Variants in DCPS observed in about 807,000 individuals in gnomAD.
DCPS encodes the protein decapping enzyme, scavenger.
In DCPS, 27 loss-of-function variants were observed where a neutral mutation model predicts 34.7. The observed-to-expected ratio is 0.78, with a 90% confidence interval of 0.57 to 1.07. The LOEUF is 1.07. Among genes scored for constraint, DCPS ranks in the 50% least tolerant of loss-of-function variants. DCPS has a pLI of 0.00. For missense variants in DCPS, 464 were observed against 436.9 expected, an observed-to-expected ratio of 1.06 and a Z score of -0.55; for synonymous variants, 185 against 185.7, an observed-to-expected ratio of 1.00 and a Z score of 0.03.
At chr11:126,343,067 CAAA>C (rs34804017) in intron 4 of DCPS, among the ~76,000 whole-genome samples, 134 of 102,218 alleles carry the variant, frequency 1.3e-3, no homozygotes, top group Admixed American at 2.2e-3. Flanking sequence ...GAGACTCTGT[CAAA>C]AAAAAAAAAA....
chr11:126,331,336 C>A lies in DCPS; in HGVS notation c.377-69C>A. On this transcript the variant is annotated intron_variant, in intron 2 of 5. Coordinates refer to ENST00000263579, the MANE Select transcript of DCPS (RefSeq NM_014026.6). The surrounding 1 kb of genome is among the most constrained non-coding windows in gnomAD (Gnocchi z 7.2). ...AAAGCCAGGGTGGGAGTTCTCTCCT[C>A]ACCGTGGTGCCTGTGGCATAGAGAG... The A allele has an allele frequency of 6.3e-7, 1 of 1,578,870 alleles. No homozygotes were observed. The highest frequency in any genetic ancestry group is 1.2e-5 in the South Asian group (1 of 86,242).
intron 2 of DCPS, among the ~76,000 whole-genome samples, chr11:126,307,025 A>G (rs1160867196): frequency 6.6e-6 from 1 of 152,068 alleles, no homozygotes. Flanking sequence ...AGTAATGTCA[A>G]TAGTGCTGAA....
rs1951754879 is a variant in DCPS at position 126,328,191 on chromosome 11, C to A, written c.377-3214C>A. ...GGCCCTAAGCGGGAGAGAGGCAGTG[C>A]ATGAAGGTGGAAAGAGGGCCAGGGC... On this transcript the variant is annotated intron_variant, in intron 2 of 5. Transcript: ENST00000263579. The surrounding 1 kb of genome is among the most constrained non-coding windows in gnomAD (Gnocchi z 6.6). 6.6e-6 allele frequency among the ~76,000 whole-genome samples: 1 copy of A among 152,140 alleles called. No homozygotes were observed. Among genetic ancestry groups the A allele is most frequent in the Non-Finnish European group, 1.5e-5 (1 of 68,022 alleles).
chr11:126,343,232 G>C, intron 4 of DCPS, 75 bp from the exon 5 acceptor site: 1 of 1,276,008 alleles, frequency 7.8e-7, no homozygotes, highest in South Asian at 1.3e-5. Flanking sequence ...CCTGGCTTAC[G>C]TGAGAACTCC....
rs563021145 is a variant in DCPS, at chr11:126,331,708, C to T, written c.522+158C>T. Among the ~76,000 whole-genome samples, 1 of 152,196 alleles carries T rather than the reference C, an allele frequency of 6.6e-6. No homozygotes were observed. Among genetic ancestry groups the T allele is most frequent in the Admixed American group, 6.5e-5 (1 of 15,280 alleles). Reference sequence around the variant, plus strand: ...TGGCGGACAGAATCCCCACCTCGTGCAGCTTACATCCCATGCACAGTCACA... The same window carrying T: ...TGGCGGACAGAATCCCCACCTCGTGTAGCTTACATCCCATGCACAGTCACA... On this transcript the variant is annotated intron_variant, in intron 3 of 5. Transcript: ENST00000263579. The surrounding 1 kb of genome is among the most constrained non-coding windows in gnomAD (Gnocchi z 7.2).
Position 126,334,794 on chromosome 11 carries a change from G to A in DCPS, c.522+3244G>A, listed in dbSNP as rs148639563. ...AACTTCCCAGTAAAAACTGCAGTGG[G>A]ATGTCTGGATCTGGAGCCTTTGAGA... On this transcript the variant is annotated intron_variant, in intron 3 of 5. Transcript: ENST00000263579. The surrounding 1 kb of genome is among the most constrained non-coding windows in gnomAD (Gnocchi z 5.5). Among the ~76,000 whole-genome samples, 1 of 152,310 alleles carries A rather than the reference G, an allele frequency of 6.6e-6. No individual in the cohort carries two copies. The highest frequency in any genetic ancestry group is 1.9e-4 in the East Asian group (1 of 5,186).
rs1288198971 is a variant in DCPS at position 126,325,113 on chromosome 11, G to A, written c.377-6292G>A. On this transcript the variant is annotated intron_variant, in intron 2 of 5. Coordinates refer to ENST00000263579, the MANE Select transcript of DCPS (RefSeq NM_014026.6). This position sits in a 1 kb window ranked among gnomAD's most constrained non-coding sequence, Gnocchi z 4.3. The stretch of plus-strand genomic sequence containing the variant: ...GAGGCACGAGAATCGCTTGAACCCA[G>A]GAGGTGGAGGTTGCAGTGAGCCAAG... Among the ~76,000 whole-genome samples, 2 of 152,290 alleles carry A rather than the reference G, an allele frequency of 1.3e-5. No individual in the cohort carries two copies. The highest frequency in any genetic ancestry group is 4.1e-4 in the South Asian group (2 of 4,822).
intron 1 of DCPS, 82 bp downstream of exon 1, chr11:126,304,363 T>A: frequency 6.6e-7 from 1 of 1,508,656 alleles, no homozygotes; most frequent in South Asian, 1.2e-5. Context: ...TTTTTTCGGA[T>A]CTCGGCTGGA....
intron 2 of DCPS, among the ~76,000 whole-genome samples, chr11:126,321,963 T>G (rs1294468338): frequency 6.6e-6 from 1 of 151,950 alleles, no homozygotes; most frequent in Non-Finnish European, 1.5e-5. Context: ...GATAAGAAAG[T>G]CAGACGCTGA....
rs1391716288 is a variant in DCPS at position 126,323,549 on chromosome 11, T to C, written c.377-7856T>C. ...TTGCATTTCTTTCTTTTCTTTTTTT[T>C]TTTTGAGACAGGGTCTTGCTCAGTC... is the stretch of plus-strand genomic sequence containing the variant. On this transcript the variant is annotated intron_variant, in intron 2 of 5. Transcript: ENST00000263579. The surrounding 1 kb of genome is among the most constrained non-coding windows in gnomAD (Gnocchi z 4.4). Among the ~76,000 whole-genome samples the C allele has an allele frequency of 1.3e-5, 2 of 152,062 alleles. No individual in the cohort carries two copies. Among genetic ancestry groups the C allele is most frequent in the African/African-American group, 4.8e-5 (2 of 41,420 alleles).
rs532770911 is a variant in DCPS, at chr11:126,347,899, C to T, written c.*2286C>T. The stretch of plus-strand genomic sequence containing the variant: ...TCCATCTCCAGCACCACAACTGCCA[C>T]GGAGCAGAGGGAGGCCTCCCTGTGG... On this transcript the variant is annotated 3_prime_UTR_variant, in exon 6 of 6. Transcript: ENST00000263579. This position sits in a 1 kb window ranked among gnomAD's most constrained non-coding sequence, Gnocchi z 4.2. Among the ~76,000 whole-genome samples the T allele has an allele frequency of 2.8e-4, 43 of 152,268 alleles. No homozygotes were observed. The South Asian group carries it at 3.7e-3, about 13-fold the overall frequency.
rs549720056 is a variant in DCPS at position 126,334,144 on chromosome 11, C to T, written c.522+2594C>T. Among the ~76,000 whole-genome samples the T allele has an allele frequency of 1.2e-4, 18 of 151,922 alleles. No homozygotes were observed. The highest frequency in any genetic ancestry group is 3.4e-3 in the Middle Eastern group (1 of 294). ...TGGATGGGGCTTAGCAACTGATTGA[C>T]GTGCAGAGGGGAGGGAAGAGGTTGG... is the stretch of plus-strand genomic sequence containing the variant. On this transcript the variant is annotated intron_variant, in intron 3 of 5. Coordinates refer to ENST00000263579, the MANE Select transcript of DCPS (RefSeq NM_014026.6). This position sits in a 1 kb window ranked among gnomAD's most constrained non-coding sequence, Gnocchi z 5.5.
intron 2 of DCPS, among the ~76,000 whole-genome samples, chr11:126,317,400 C>CT (rs11292533): frequency 0.18 from 26,114 of 147,546 alleles, 2,546 homozygotes; most frequent in Non-Finnish European, 0.24. Context: ...GCATTTTGCT[C>CT]TTTTTTTTTT....
chr11:126,327,994 G>A lies in DCPS; in HGVS notation c.377-3411G>A, dbSNP rs578110705. On this transcript the variant is annotated intron_variant, in intron 2 of 5. Coordinates refer to ENST00000263579, the MANE Select transcript of DCPS (RefSeq NM_014026.6). This position sits in a 1 kb window ranked among gnomAD's most constrained non-coding sequence, Gnocchi z 4.1. Reference sequence around the variant, plus strand: ...GGCTGCTGTTTTACCAGAGCTGACCGAGCCTGAGGAGCTGGCCTCAGAGCA... The same window carrying A: ...GGCTGCTGTTTTACCAGAGCTGACCAAGCCTGAGGAGCTGGCCTCAGAGCA... Among the ~76,000 whole-genome samples, 128 of 152,348 alleles carry A rather than the reference G, an allele frequency of 8.4e-4. No individual in the cohort carries two copies. Among genetic ancestry groups the A allele is most frequent in the African/African-American group, 2.9e-3 (121 of 41,586 alleles).
At chr11:126,306,543 G>A in intron 1 of DCPS, 27 bp from the exon 2 acceptor site, 1 of 1,577,026 alleles carries the variant, frequency 6.3e-7, no homozygotes, top group East Asian at 2.3e-5. Context: ...CTGCCCTTGA[G>A]CCCACTGATG....
At position 126,345,748 on chromosome 11, in the gene DCPS, C is replaced by T; in HGVS notation, c.*135C>T. 2 of 1,367,578 alleles carry T rather than the reference C, an allele frequency of 1.5e-6. No individual in the cohort carries two copies. The highest frequency in any genetic ancestry group is 2.4e-5 in the East Asian group (1 of 40,916). 84.7% of individuals were successfully genotyped at this position (1,367,578 alleles called of 1,614,324 possible). Reference sequence around the variant, plus strand: ...CTAGTATTGAATAAACTAGCGGGCTCACTCAGTGTGGACAGCGTGGCCTGG... The same window carrying T: ...CTAGTATTGAATAAACTAGCGGGCTTACTCAGTGTGGACAGCGTGGCCTGG... On this transcript the variant is annotated 3_prime_UTR_variant, in exon 6 of 6. Transcript: ENST00000263579. The surrounding 1 kb of genome is among the most constrained non-coding windows in gnomAD (Gnocchi z 7.4).
In DCPS at chr11:126,329,730, C is replaced by T. The variant is rs1951767501; in HGVS notation, c.377-1675C>T. ...TGGATGACTCTTTTGAGTCCCAGCC[C>T]ACCCTCTTCACTGACGTATGAAAGC... On this transcript the variant is annotated intron_variant, in intron 2 of 5. Transcript: ENST00000263579. The surrounding 1 kb of genome is among the most constrained non-coding windows in gnomAD (Gnocchi z 5.0). Among the ~76,000 whole-genome samples, 1 of 152,198 alleles carries T rather than the reference C, an allele frequency of 6.6e-6. No individual in the cohort carries two copies. The highest frequency in any genetic ancestry group is 1.5e-5 in the Non-Finnish European group (1 of 68,036).
chr11:126,312,488 G>A lies in DCPS; in HGVS notation c.376+5744G>A, dbSNP rs180820585. Among the ~76,000 whole-genome samples, 156 of 151,802 alleles carry A rather than the reference G, an allele frequency of 1.0e-3. No homozygotes were observed. Among genetic ancestry groups the A allele is most frequent in the Middle Eastern group, 3.4e-3 (1 of 292 alleles). On this transcript the variant is annotated intron_variant, in intron 2 of 5. Coordinates refer to ENST00000263579, the MANE Select transcript of DCPS (RefSeq NM_014026.6). This position sits in a 1 kb window ranked among gnomAD's most constrained non-coding sequence, Gnocchi z 5.1. ...TGAGTAGCTGGGACTACAGGCACCCGCCACCACACCCAGCTAATTTTTTTG... is the reference window on the plus strand; with the variant it reads ...TGAGTAGCTGGGACTACAGGCACCCACCACCACACCCAGCTAATTTTTTTG...
Position 126,328,050 on chromosome 11 carries a change from C to G in DCPS, c.377-3355C>G, listed in dbSNP as rs958265614. Among the ~76,000 whole-genome samples, 2 of 152,190 alleles carry G rather than the reference C, an allele frequency of 1.3e-5. No individual in the cohort carries two copies. Among genetic ancestry groups the G allele is most frequent in the Non-Finnish European group, 2.9e-5 (2 of 68,036 alleles). On this transcript the variant is annotated intron_variant, in intron 2 of 5. Coordinates refer to ENST00000263579, the MANE Select transcript of DCPS (RefSeq NM_014026.6). The surrounding 1 kb of genome is among the most constrained non-coding windows in gnomAD (Gnocchi z 6.6). The stretch of plus-strand genomic sequence containing the variant: ...CTGGATGAAGCGAGGAGCAGCGTGG[C>G]TCGTTGGGTAGGAGGGTCAGCTCGG...
Sources: allele counts gnomAD v4.1 joint callset (sites outside exome capture counted in the v4.1 genomes callset), GRCh38; gene constraint gnomAD v4.1.1; non-coding constraint Gnocchi (gnomAD v3.1); transcripts MANE v1.5; gene names NCBI Gene and HGNC (gene_info 2026-07-23, HGNC 2026-07-21).